ROBO2: variants seen among roughly 807,000 people sequenced by gnomAD.
ROBO2 encodes the protein roundabout homolog 2.
In ROBO2, 53 loss-of-function variants were observed where a neutral mutation model predicts 160.8. The observed-to-expected ratio is 0.33, with a 90% CI of 0.26 to 0.41. The LOEUF is 0.41. ROBO2 is among the 10% of genes least tolerant of loss of function. ROBO2 has a pLI of 1.00. For missense variants in ROBO2, 1,577 were observed against 1,722.4 expected, an observed-to-expected ratio of 0.92 and a Z score of 1.49; for synonymous variants, 664 against 611.7, an observed-to-expected ratio of 1.09 and a Z score of -1.26.
intron 2 of ROBO2, among the ~76,000 whole-genome samples, chr3:76,872,640 G>A (rs184661581): frequency 6.6e-6 from 1 of 152,098 alleles, no homozygotes; most frequent in East Asian, 1.9e-4. Flanking sequence ...GTAAGCTTTG[G>A]TGAGAAAGAA....
At chr3:76,596,896 C>T (rs910219475) in intron 2 of ROBO2, among the ~76,000 whole-genome samples, 1 of 152,170 alleles carries the variant, frequency 6.6e-6, no homozygotes, top group African/African-American at 2.4e-5. Context: ...AAAAGAATTG[C>T]TCTAAACAAA....
chr3:76,341,816 A>T (rs1368639399), intron 2 of ROBO2, among the ~76,000 whole-genome samples: 2 of 152,194 alleles, frequency 1.3e-5, no homozygotes, highest in Non-Finnish European at 2.9e-5. Flanking sequence ...AAAAGTGAAC[A>T]CTTGCAACAG....
intron 2 of ROBO2, among the ~76,000 whole-genome samples, chr3:77,397,778 G>C (rs1258242235): frequency 1.3e-5 from 2 of 151,906 alleles, no homozygotes; most frequent in African/African-American, 4.8e-5. Flanking sequence ...CATTTACTTA[G>C]TGCAAACTAT....
chr3:75,982,882 G>A lies in ROBO2; in HGVS notation c.109+45280G>A, dbSNP rs186331678. On this transcript the variant is annotated intron_variant, in intron 2 of 26. Coordinates refer to the ROBO2 transcript ENST00000487694. ...GCAGGTCTTGTGACCTTCATAAGTG[G>A]TATTGAATGGTTACTCTGGAAATGA... 1.3e-4 allele frequency among the ~76,000 whole-genome samples: 20 copies of A among 151,482 alleles called. No homozygotes were observed. In the South Asian group the frequency reaches 2.7e-3, roughly 20 times the overall value.
At chr3:77,113,203 G>T (rs956718535) in intron 2 of ROBO2, among the ~76,000 whole-genome samples, 1 of 152,154 alleles carries the variant, frequency 6.6e-6, no homozygotes, top group Non-Finnish European at 1.5e-5. Context: ...CAGGACCCAT[G>T]TGTCCAGATT....
At chr3:76,077,149 T>A (rs191204933) in intron 2 of ROBO2, among the ~76,000 whole-genome samples, 6 of 152,356 alleles carry the variant, frequency 3.9e-5, no homozygotes, top group Admixed American at 3.9e-4. Context: ...AATAATTAAT[T>A]GAGTCCATGA....
chr3:77,413,289 T>A (rs2076951675), intron 2 of ROBO2, among the ~76,000 whole-genome samples: 1 of 152,028 alleles, frequency 6.6e-6, no homozygotes, highest in Non-Finnish European at 1.5e-5. Context: ...ACAGAAAATG[T>A]TCTAGAAAGA....
intron 2 of ROBO2, among the ~76,000 whole-genome samples, chr3:76,737,245 G>C (rs531499292): frequency 6.6e-6 from 1 of 151,882 alleles, no homozygotes. Context: ...TTTATAGTAA[G>C]AAAGAGACTT....
chr3:76,409,460 T>G (rs967355634), intron 2 of ROBO2, among the ~76,000 whole-genome samples: 2 of 152,132 alleles, frequency 1.3e-5, no homozygotes, highest in Middle Eastern at 3.2e-3. Context: ...AGCCTTTTCC[T>G]TATCAGTTAA....
At chr3:76,275,288 A>T (rs1262796068) in intron 2 of ROBO2, among the ~76,000 whole-genome samples, 1 of 151,986 alleles carries the variant, frequency 6.6e-6, no homozygotes, top group Non-Finnish European at 1.5e-5. Flanking sequence ...TCAGTCTACA[A>T]TTTTTTTTAA....
Position 77,481,315 on chromosome 3 carries a change from G to A in ROBO2, c.667+96G>A, listed in dbSNP as rs1582327957. On this transcript the variant is annotated intron_variant, in intron 4 of 25. Coordinates refer to ENST00000461745, the Ensembl canonical transcript of ROBO2. Reference sequence around the variant, plus strand: ...TTAAAAACTGGGCCATATAAGGACAGTTACTCATGACTCATGGTAAGCAGT... The same window carrying A: ...TTAAAAACTGGGCCATATAAGGACAATTACTCATGACTCATGGTAAGCAGT... The A allele has an allele frequency of 6.1e-6, 6 of 989,594 alleles. No individual in the cohort carries two copies. In the East Asian group the frequency reaches 1.8e-4, roughly 30 times the overall value. 61.3% of individuals were successfully genotyped at this position (989,594 alleles called of 1,614,324 possible). A position where few individuals can be genotyped will look rare whatever the true frequency, so the allele number is the denominator to read the frequency against.
intron 2 of ROBO2, among the ~76,000 whole-genome samples, chr3:75,945,489 G>C (rs1464660262): frequency 6.6e-6 from 1 of 152,006 alleles, no homozygotes; most frequent in Non-Finnish European, 1.5e-5. Flanking sequence ...TTGAAGTGAG[G>C]TGGAAAGTTC....
At chr3:76,022,904 A>G (rs1163203213) in intron 2 of ROBO2, among the ~76,000 whole-genome samples, 1 of 151,732 alleles carries the variant, frequency 6.6e-6, no homozygotes, top group Non-Finnish European at 1.5e-5. Flanking sequence ...TTTTATTTCA[A>G]TATAAGTCTG....
intron 2 of ROBO2, among the ~76,000 whole-genome samples, chr3:77,329,756 A>G (rs1242734094): frequency 2.6e-5 from 4 of 152,208 alleles, no homozygotes; most frequent in Non-Finnish European, 5.9e-5. Flanking sequence ...CAGGCAGACT[A>G]CATAATTCGT....
chr3:76,283,261 G>A (rs141946853), intron 2 of ROBO2, among the ~76,000 whole-genome samples: 1,578 of 149,068 alleles, frequency 0.011, 19 homozygotes, highest in African/African-American at 0.034. Context: ...CTTATTAGTA[G>A]GTTGGATTAG....
intron 2 of ROBO2, among the ~76,000 whole-genome samples, chr3:76,375,425 G>A (rs2076294963): frequency 6.6e-6 from 1 of 151,968 alleles, no homozygotes; most frequent in South Asian, 2.1e-4. Context: ...ATGCAGTCAT[G>A]TATTCATCTA....
At chr3:76,655,146 C>T (rs967834860) in intron 2 of ROBO2, among the ~76,000 whole-genome samples, 2 of 149,964 alleles carry the variant, frequency 1.3e-5, no homozygotes, top group African/African-American at 4.9e-5. Context: ...GCAAGAATTT[C>T]TCCTATTAAT....
intron 2 of ROBO2, among the ~76,000 whole-genome samples, chr3:76,466,774 C>T (rs2078385141): frequency 6.6e-6 from 1 of 151,964 alleles, no homozygotes; most frequent in African/African-American, 2.4e-5. Context: ...CAGGGACCCT[C>T]TGTGACATCT....
At position 77,514,040 on chromosome 3, in the gene ROBO2, T is replaced by A. The variant is rs143713900; in HGVS notation, c.807-8735T>A. 3.0e-4 allele frequency among the ~76,000 whole-genome samples: 46 copies of A among 151,904 alleles called. 3 individuals are homozygous for A. In the East Asian group the frequency reaches 6.6e-3, roughly 22 times the overall value. ...TTGAATTTCCTCATCAGTAATGTTT[T>A]TTCATCTGTTTCTTTTTTTCTTGGT... On this transcript the variant is annotated intron_variant, in intron 5 of 25. Coordinates refer to ENST00000461745, the Ensembl canonical transcript of ROBO2.
Sources: gnomAD v4.1 joint callset for allele counts (sites outside exome capture counted in the v4.1 genomes callset) on GRCh38, gnomAD v4.1.1 for gene constraint, MANE v1.5 for transcripts, NCBI Gene and HGNC (gene_info 2026-07-23, HGNC 2026-07-21) for gene names.